Variants in NELL1 observed in about 807,000 individuals in gnomAD.
NELL1 encodes the protein neural EGFL like 1.
In NELL1, 76 loss-of-function variants were observed where a neutral mutation model predicts 107.4. The observed-to-expected ratio is 0.71, with a 90% CI of 0.59 to 0.86. The LOEUF (loss-of-function observed/expected upper bound fraction) is 0.86, where lower values mean the gene tolerates loss of function less well. Ranked by LOEUF, NELL1 falls within the 40% of genes least tolerant of loss-of-function variation. NELL1 has a pLI of 0.00. For missense variants in NELL1, 1,024 were observed against 1,005.5 expected (o/e 1.02, Z -0.25); for synonymous variants, 353 against 341.2 (o/e 1.03, Z -0.38).
chr11:20,786,785 T>A (rs528304921), intron 3 of NELL1, among the ~76,000 whole-genome samples: 8 of 151,710 alleles, frequency 5.3e-5, no homozygotes. Flanking sequence ...AAGGTGGGCA[T>A]ATCACAAGGT....
rs966041283 is a variant in NELL1 at position 20,900,526 on chromosome 11, G to A, written c.603+14986G>A. Reference sequence around the variant, plus strand: ...GAGGCTCACACAGTTTTACAGGGGAGTTGTAGCACACATCCAAGGAAATAA... The same window carrying A: ...GAGGCTCACACAGTTTTACAGGGGAATTGTAGCACACATCCAAGGAAATAA... On this transcript the variant is annotated intron_variant, in intron 5 of 19. Transcript: ENST00000357134. 3.9e-5 allele frequency among the ~76,000 whole-genome samples: 6 copies of A among 152,078 alleles called. No homozygotes were observed. The East Asian group carries it at 1.2e-3, about 29-fold the overall frequency.
intron 2 of NELL1, among the ~76,000 whole-genome samples, chr11:20,732,870 G>A (rs1855679314): frequency 6.6e-6 from 1 of 152,242 alleles, no homozygotes; most frequent in East Asian, 1.9e-4. Context: ...TCTTTTGTAA[G>A]TCATTTATTG....
intron 2 of NELL1, among the ~76,000 whole-genome samples, chr11:20,695,243 G>A (rs7924830): frequency 0.44 from 66,959 of 151,894 alleles, 16,314 homozygotes; most frequent in Middle Eastern, 0.61. Context: ...CAGTGAAGAG[G>A]GATATTTGGA....
At chr11:20,862,652 C>T (rs1254002246) in intron 4 of NELL1, among the ~76,000 whole-genome samples, 5 of 117,422 alleles carry the variant, frequency 4.3e-5, no homozygotes, top group African/African-American at 6.5e-5. Context: ...GGGTGTTTCT[C>T]GCAGAGGATT....
In NELL1 at chr11:20,693,646, G is replaced by A. The variant is rs909102067; in HGVS notation, c.184+15586G>A. Among the ~76,000 whole-genome samples, 133 of 152,182 alleles carry A rather than the reference G, an allele frequency of 8.7e-4. 1 individual carries two copies. The highest frequency in any genetic ancestry group is 2.7e-3 in the African/African-American group (112 of 41,526). ...TTTTCTGGCTTGTAGAGTTTCTGCC[G>A]AGAGATCCGCTGTTAGTCTGATGGG... On this transcript the variant is annotated intron_variant, in intron 2 of 19. Coordinates refer to ENST00000357134, the MANE Select transcript of NELL1 (RefSeq NM_006157.5).
At chr11:21,201,635 T>C (rs780897191) in intron 13 of NELL1, among the ~76,000 whole-genome samples, 9 of 152,194 alleles carry the variant, frequency 5.9e-5, no homozygotes, top group Non-Finnish European at 1.3e-4. Context: ...TCTTGCCTGA[T>C]TGCCCTGGCC....
intron 15 of NELL1, among the ~76,000 whole-genome samples, chr11:21,453,808 C>CCT (rs1853648649): frequency 7.2e-6 from 1 of 139,558 alleles, no homozygotes; most frequent in African/African-American, 2.6e-5. Context: ...TTTTCTTTCC[C>CCT]TTTTTTTTTT....
chr11:21,565,441 C>T (rs1856947768), intron 17 of NELL1, among the ~76,000 whole-genome samples: 2 of 151,864 alleles, frequency 1.3e-5, no homozygotes, highest in Non-Finnish European at 2.9e-5. Flanking sequence ...CCAGAATCAC[C>T]TGCAGGGCTT....
In NELL1 at chr11:20,885,496, A is replaced by G; in HGVS notation, c.559A>G (p.Asn187Asp). Residue 187 changes from asparagine (N) to aspartate (D), a missense_variant, in exon 5 of 20, where the codon AAT (asparagine) becomes GAT (aspartate). Transcript: ENST00000357134. ...AGATACCAACCTTCCCCCAGGAATCAATTTATGGCTTGGCCAGCGCAACCA... is the reference window on the plus strand; with the variant it reads ...AGATACCAACCTTCCCCCAGGAATCGATTTATGGCTTGGCCAGCGCAACCA... ...PPDTNLPPGI[N>D]LWLGQRNQKH... The G allele has an allele frequency of 1.9e-6, 3 of 1,613,766 alleles. No homozygotes were observed. In the South Asian group the frequency reaches 3.3e-5, roughly 18 times the overall value.
At chr11:21,011,476 T>C (rs1040413761) in intron 12 of NELL1, among the ~76,000 whole-genome samples, 1 of 152,138 alleles carries the variant, frequency 6.6e-6, no homozygotes, top group Non-Finnish European at 1.5e-5. Context: ...GTTTCCTATG[T>C]TGGACCAAAA....
intron 5 of NELL1, among the ~76,000 whole-genome samples, chr11:20,886,974 TC>T (rs1371572184): frequency 1.3e-5 from 2 of 152,194 alleles, no homozygotes; most frequent in Non-Finnish European, 2.9e-5. Flanking sequence ...TTTCTTTATC[TC>T]CAAAAATTTC....
At chr11:20,677,818 C>A in intron 1 of NELL1, 114 bp from the exon 2 acceptor site, 2 of 1,218,570 alleles carry the variant, frequency 1.6e-6, no homozygotes, top group Middle Eastern at 2.2e-4. Flanking sequence ...CAAAGACTCT[C>A]CAAGCACTCA....
intron 14 of NELL1, among the ~76,000 whole-genome samples, chr11:21,329,902 G>A (rs937855348): frequency 6.6e-6 from 1 of 152,002 alleles, no homozygotes; most frequent in Non-Finnish European, 1.5e-5. Context: ...TACTGTACAT[G>A]TTACATCTAT....
chr11:21,068,669 A>C (rs1853938794), intron 12 of NELL1, among the ~76,000 whole-genome samples: 1 of 152,222 alleles, frequency 6.6e-6, no homozygotes, highest in Non-Finnish European at 1.5e-5. Context: ...GCTGAGCAAA[A>C]AGGCCAGTCC....
At chr11:21,467,346 T>G (rs1246544161) in intron 15 of NELL1, among the ~76,000 whole-genome samples, 1 of 152,122 alleles carries the variant, frequency 6.6e-6, no homozygotes, top group Non-Finnish European at 1.5e-5. Context: ...AATTATACAC[T>G]GCTGACAGTG....
intron 2 of NELL1, among the ~76,000 whole-genome samples, chr11:20,749,663 A>T (rs1190241945): frequency 8.5e-5 from 13 of 152,056 alleles, no homozygotes. Flanking sequence ...AAATGAGTAG[A>T]TATTAACTGT....
chr11:21,167,447 C>T (rs1856509940), intron 13 of NELL1, among the ~76,000 whole-genome samples: 1 of 151,748 alleles, frequency 6.6e-6, no homozygotes. Flanking sequence ...AAGGCTCACT[C>T]TGATGGAGAT....
At chr11:21,504,081 T>C (rs1564928923) in intron 15 of NELL1, 1 of 152,174 alleles carries the variant, frequency 6.6e-6, no homozygotes, top group Non-Finnish European at 1.5e-5. Flanking sequence ...TTTCTCTCTT[T>C]CTAGTGGTGA....
chr11:20,969,180 T>A (rs1313838735), intron 12 of NELL1, among the ~76,000 whole-genome samples: 2 of 152,186 alleles, frequency 1.3e-5, no homozygotes, highest in Non-Finnish European at 2.9e-5. Flanking sequence ...ACTTTCCTGT[T>A]GTATCATCTC....
Sources: allele counts gnomAD v4.1 joint callset (sites outside exome capture counted in the v4.1 genomes callset), GRCh38; gene constraint gnomAD v4.1.1; transcripts MANE v1.5; gene names NCBI Gene and HGNC (gene_info 2026-07-23, HGNC 2026-07-21).